ZNF618: variants seen among roughly 807,000 people sequenced by gnomAD.
ZNF618 encodes neural precursor cell expressed, developmentally down-regulated 10.
ZNF618 carries 34 observed loss-of-function variants against 103.0 expected under a neutral mutation model. That is an observed-to-expected ratio of 0.33 (90% CI 0.25 to 0.44). The LOEUF is 0.44. Ranked by LOEUF, ZNF618 falls within the 20% of genes least tolerant of loss-of-function variation. ZNF618 has a pLI of 1.00. For synonymous variants in ZNF618, 551 were observed against 542.2 expected (o/e 1.02, Z -0.23); for missense variants, 1,059 against 1,295.4 (o/e 0.82, Z 2.80).
intron 1 of ZNF618, among the ~76,000 whole-genome samples, chr9:113,896,187 T>C (rs1462983271): frequency 1.3e-5 from 2 of 152,088 alleles, no homozygotes; most frequent in Non-Finnish European, 2.9e-5. Context: ...CAAGTTATTA[T>C]ACTTTTATGG....
At position 114,055,586 on chromosome 9, in the gene ZNF618, C is replaced by G. The variant is rs1239077935; in HGVS notation, c.*5419C>G. On this transcript the variant is annotated 3_prime_UTR_variant, in exon 15 of 15. Transcript: ENST00000374126. ...GCCTTGGTGCCCTCCTCCCCACCCC[C>G]CACTCAGTAACCACGTGCGTGCACC... is the stretch of plus-strand genomic sequence containing the variant. 1.3e-5 allele frequency: 2 copies of G among 149,392 alleles called. No individual in the cohort carries two copies. The highest frequency in any genetic ancestry group is 3.0e-5 in the Non-Finnish European group (2 of 67,432). The allele number at this position is 149,392 out of a possible 1,614,324, so 9.3% of individuals were successfully genotyped here. A position where few individuals can be genotyped will look rare whatever the true frequency, so the allele number is the denominator to read the frequency against.
At position 114,056,503 on chromosome 9, in the gene ZNF618, A is replaced by G. The variant is rs1424131829; in HGVS notation, c.*6336A>G. On this transcript the variant is annotated 3_prime_UTR_variant, in exon 15 of 15. Transcript: ENST00000374126. ...AGTTGGTTGATGCCAAGGCAAAAAGATAACTTTTAACAGTTAGAGAGGATC... is the reference window on the plus strand; with the variant it reads ...AGTTGGTTGATGCCAAGGCAAAAAGGTAACTTTTAACAGTTAGAGAGGATC... The G allele has an allele frequency of 6.6e-6, 1 of 152,260 alleles. No individual in the cohort carries two copies. Among genetic ancestry groups the G allele is most frequent in the Non-Finnish European group, 1.5e-5 (1 of 68,050 alleles). 9.4% of individuals were successfully genotyped at this position (152,260 alleles called of 1,614,324 possible). A position where few individuals can be genotyped will look rare whatever the true frequency, so the allele number is the denominator to read the frequency against.
intron 7 of ZNF618, 38 bp from the exon 8 acceptor site, chr9:114,008,306 C>G (rs768785112): frequency 1.2e-6 from 2 of 1,611,988 alleles, no homozygotes; most frequent in Non-Finnish European, 8.5e-7. Flanking sequence ...CTGTTTGTTT[C>G]TTTCCTTCTG....
At chr9:113,993,439 A>G (rs7863469) in intron 3 of ZNF618, among the ~76,000 whole-genome samples, 89,795 of 152,142 alleles carry the variant, frequency 0.59, 26,994 homozygotes, top group Middle Eastern at 0.73. Flanking sequence ...TTCTTGATGA[A>G]GATAAGGCAA....
rs113693537 is a variant in ZNF618 at position 113,956,624 on chromosome 9, G to C, written c.34-12493G>C. Reference sequence around the variant, plus strand: ...CCACCCTCACGGAAACTACAGTTTGGTGGGGAGCAAGGCTGCAGAGTGGCG... The same window carrying C: ...CCACCCTCACGGAAACTACAGTTTGCTGGGGAGCAAGGCTGCAGAGTGGCG... On this transcript the variant is annotated intron_variant, in intron 1 of 14. Coordinates refer to ENST00000374126, the MANE Select transcript of ZNF618 (RefSeq NM_001318042.2). 7.0e-3 allele frequency among the ~76,000 whole-genome samples: 1,065 copies of C among 152,282 alleles called. 15 individuals carry two copies. The highest frequency in any genetic ancestry group is 0.024 in the African/African-American group (996 of 41,540).
chr9:113,998,715 C>G (rs1427851711), intron 4 of ZNF618, among the ~76,000 whole-genome samples: 4 of 152,246 alleles, frequency 2.6e-5, no homozygotes, highest in African/African-American at 9.6e-5. Flanking sequence ...GACCTCTCTC[C>G]CTGCAGGACT....
At chr9:113,902,565 T>C (rs10116566) in intron 1 of ZNF618, among the ~76,000 whole-genome samples, 37,076 of 152,176 alleles carry the variant, frequency 0.24, 4,618 homozygotes, top group East Asian at 0.34. Flanking sequence ...ACTATTGTTT[T>C]GTGTGCATGC....
chr9:113,947,540 G>A (rs781129079), intron 1 of ZNF618, among the ~76,000 whole-genome samples: 5 of 152,286 alleles, frequency 3.3e-5, no homozygotes, highest in Non-Finnish European at 5.9e-5. Context: ...GACCCCTACC[G>A]GAACCTTCCA....
intron 2 of ZNF618, 142 bp from the exon 3 acceptor site, chr9:113,988,179 G>C: frequency 9.1e-7 from 1 of 1,103,344 alleles, no homozygotes; most frequent in Non-Finnish European, 1.3e-6. Context: ...AGCCGTGGGG[G>C]TTGTGTGGGA....
chr9:113,940,625 A>G (rs1187705515), intron 1 of ZNF618, among the ~76,000 whole-genome samples: 1 of 151,454 alleles, frequency 6.6e-6, no homozygotes, highest in African/African-American at 2.4e-5. Context: ...GGAGTTTTTT[A>G]CCACGTCTGC....
chr9:113,932,648 G>A (rs1833695427), intron 1 of ZNF618, among the ~76,000 whole-genome samples: 1 of 152,164 alleles, frequency 6.6e-6, no homozygotes, highest in Admixed American at 6.5e-5. Context: ...GGCTTCCTTG[G>A]ATGTGGAGCA....
intron 1 of ZNF618, among the ~76,000 whole-genome samples, chr9:113,912,981 T>C (rs1032741216): frequency 6.6e-6 from 1 of 152,094 alleles, no homozygotes; most frequent in African/African-American, 2.4e-5. Context: ...CTCCAGACAT[T>C]CTGCTTGGTC....
At chr9:114,038,249 G>A (rs1844803475) in intron 13 of ZNF618, among the ~76,000 whole-genome samples, 1 of 152,212 alleles carries the variant, frequency 6.6e-6, no homozygotes, top group South Asian at 2.1e-4. Context: ...TGGAAGCTGA[G>A]CTGTGATTAG....
Position 114,028,738 on chromosome 9 carries a change from G to C in ZNF618, c.850G>C (p.Ala284Pro). 1.9e-6 allele frequency: 3 copies of C among 1,550,114 alleles called. No individual in the cohort carries two copies. The highest frequency in any genetic ancestry group is 2.6e-6 in the Non-Finnish European group (3 of 1,146,850). The change falls in exon 11 of 15, where the codon GCC becomes CCC. Residue 284 changes from alanine (A) to proline (P), a missense_variant. Ala to Pro is a conservative substitution (Grantham distance 27). Around this residue, in one of 6 missense-constraint regions of ZNF618, gnomAD observed 434 missense variants for 476.0 expected, o/e 0.91. Coordinates refer to ENST00000374126, the MANE Select transcript of ZNF618 (RefSeq NM_001318042.2). ...HVALHAPIST[A>P]PGWEPPDDPD... ...TGAGAGCGTGACCCTCTCAGGTACT[G>C]CCCCCGGGTGGGAGCCACCGGATGA...
At chr9:114,023,893 T>C (rs1337105868) in intron 10 of ZNF618, among the ~76,000 whole-genome samples, 1 of 152,216 alleles carries the variant, frequency 6.6e-6, no homozygotes, top group Non-Finnish European at 1.5e-5. Flanking sequence ...CTTGGGTTAA[T>C]AGTTTTTAGC....
chr9:114,045,711 CAT>C (rs965816043), intron 13 of ZNF618, among the ~76,000 whole-genome samples: 2 of 151,924 alleles, frequency 1.3e-5, no homozygotes, highest in African/African-American at 4.8e-5. Flanking sequence ...CTTGCATTTC[CAT>C]ATGAATTTCA....
chr9:113,979,317 C>A (rs1452850981), intron 2 of ZNF618, among the ~76,000 whole-genome samples: 3 of 152,154 alleles, frequency 2.0e-5, no homozygotes, highest in African/African-American at 7.2e-5. Context: ...GACCCTGCAC[C>A]CTCAAGAGAG....
At chr9:113,931,118 G>A (rs916317907) in intron 1 of ZNF618, among the ~76,000 whole-genome samples, 1 of 152,202 alleles carries the variant, frequency 6.6e-6, no homozygotes, top group African/African-American at 2.4e-5. Flanking sequence ...TTTCTGGATG[G>A]TATGTTGAGT....
In ZNF618 at chr9:114,055,626, CAGT is replaced by C. The variant is rs774431858; in HGVS notation, c.*5463_*5465del. On this transcript the variant is annotated 3_prime_UTR_variant, in exon 15 of 15. Coordinates refer to ENST00000374126, the MANE Select transcript of ZNF618 (RefSeq NM_001318042.2). ...GTGCGTGCACCCCCGCATCCTTTCT[CAGT>C]AGTTAAGACGTTCTAGGCAATACCA... 1 of 146,660 alleles carries C rather than the reference CAGT, an allele frequency of 6.8e-6. No individual in the cohort carries two copies. Among genetic ancestry groups the C allele is most frequent in the African/African-American group, 2.5e-5 (1 of 39,612 alleles). The allele number at this position is 146,660 out of a possible 1,614,324, so 9.1% of individuals were successfully genotyped here. A position where few individuals can be genotyped will look rare whatever the true frequency, so the allele number is the denominator to read the frequency against.
Sources: gnomAD v4.1 joint callset for allele counts (sites outside exome capture counted in the v4.1 genomes callset) on GRCh38, gnomAD v4.1.1 for gene constraint, gnomAD v4.1.1 regional missense constraint, MANE v1.5 for transcripts, NCBI Gene and HGNC (gene_info 2026-07-23, HGNC 2026-07-21) for gene names.